The following RRAS variants were observed in gnomAD, a reference collection of about 807,000 sequenced individuals.
RRAS encodes ras-related protein R-Ras.
A neutral mutation model predicts 23.3 loss-of-function variants in RRAS; 18 were observed. The ratio of observed to expected loss-of-function variants is 0.77; its 90% confidence interval spans 0.53 to 1.15. The LOEUF (loss-of-function observed/expected upper bound fraction) is 1.15, where lower values mean the gene tolerates loss of function less well. RRAS is among the 50% of genes most tolerant of loss of function. The pLI, the probability that RRAS is intolerant of heterozygous loss-of-function variation, is 0.00. For synonymous variants in RRAS, 133 were observed against 138.3 expected (o/e 0.96, Z 0.27); for missense variants, 291 against 317.1 (o/e 0.92, Z 0.62).
In RRAS at chr19:49,637,083, C is replaced by T. The variant is rs1421164782; in HGVS notation, c.201G>A (p.Thr67=). 4 of 1,613,520 alleles carry T rather than the reference C, an allele frequency of 2.5e-6. No homozygotes were observed. Among genetic ancestry groups the T allele is most frequent in the African/African-American group, 1.3e-5 (1 of 74,880 alleles). Residue 67 remains threonine, a synonymous_variant, in exon 2 of 6, where the codon ACG becomes ACA. Transcript: ENST00000246792. ...DYDPTIEDSY[T]KICSVDGIPA... is the part of the protein sequence containing the mutation. ...GGATGCCATCCACACTGCAGATCTT[C>T]GTGTAGGAGTCCTCAATAGTGGGGT...
At position 49,635,572 on chromosome 19, in the gene RRAS, T is replaced by C. The variant is rs199675852; in HGVS notation, c.*4A>G. On this transcript the variant is annotated 3_prime_UTR_variant, in exon 6 of 6. Coordinates refer to ENST00000246792, the MANE Select transcript of RRAS (RefSeq NM_006270.5). Reference sequence around the variant, plus strand: ...TTGTGGTGGTTGCTTCTCTCTTGCCTGGGCTACAGGAGGACGCAGGGGCAG... The same window carrying C: ...TTGTGGTGGTTGCTTCTCTCTTGCCCGGGCTACAGGAGGACGCAGGGGCAG... The C allele has an allele frequency of 4.0e-4, 565 of 1,423,338 alleles. 2 individuals carry two copies. The East Asian group carries it at 0.013, about 33-fold the overall frequency. The allele number at this position is 1,423,338 out of a possible 1,614,324, so 88.2% of individuals were successfully genotyped here.
intron 1 of RRAS, among the ~76,000 whole-genome samples, chr19:49,638,078 T>TTCCTCCTCCCCCGTC (rs900438412): frequency 3.9e-5 from 6 of 152,128 alleles, no homozygotes; most frequent in South Asian, 4.2e-4. Flanking sequence ...CCTCCCTCTC[T>TTCCTCCTCCCCCGTC]TCCTCCTCCC....
intron 1 of RRAS, among the ~76,000 whole-genome samples, chr19:49,637,707 A>ACT (rs1223069803): frequency 7.1e-6 from 1 of 141,368 alleles, no homozygotes; most frequent in South Asian, 2.3e-4. Context: ...AGTCTCTATT[A>ACT]CTCTCTCTCT....
At chr19:49,637,297 G>C (rs1599814302) in intron 1 of RRAS, among the ~76,000 whole-genome samples, 167 bp from the exon 2 acceptor site, 1 of 104,998 alleles carries the variant, frequency 9.5e-6, no homozygotes, top group Admixed American at 1.2e-4. Context: ...CTGTCTCTCT[G>C]AGTCTTTTTT....
In RRAS at chr19:49,636,865, G is replaced by T. The variant is rs1279248952; in HGVS notation, c.303C>A (p.Gly101=). The stretch of plus-strand genomic sequence containing the variant: ...TGGCGAACACCAGCAGGAAGCCGTG[G>T]CCAGCACGCATGTACTGCTCTCTCA... ...GAMREQYMRA[G]HGFLLVFAIN... Residue 101 remains glycine, a synonymous_variant, in exon 3 of 6, where the codon GGC becomes GGA. Transcript: ENST00000246792. The surrounding 1 kb of genome is among the most constrained non-coding windows in gnomAD (Gnocchi z 4.5). 6.2e-7 allele frequency: 1 copy of T among 1,613,376 alleles called. No homozygotes were observed. The highest frequency in any genetic ancestry group is 1.7e-5 in the Admixed American group (1 of 60,026).
chr19:49,640,086 C>T lies in RRAS; in HGVS notation c.13G>A (p.Ala5Thr). MSSG[A>T]ASGTGRGRPR... ...CGCCCCCGCCCTGTCCCGGACGCCG[C>T]CCCGCTGCTCATGTCGCCACCGCTG... Residue 5 changes from alanine (A) to threonine (T), a missense_variant, in exon 1 of 6, where the codon GCG (alanine) becomes ACG (threonine). Ala to Thr is a moderately conservative substitution (Grantham distance 58). Transcript: ENST00000246792. 7.2e-7 allele frequency: 1 copy of T among 1,397,612 alleles called. No individual in the cohort carries two copies. The highest frequency in any genetic ancestry group is 9.2e-7 in the Non-Finnish European group (1 of 1,088,716). 86.6% of individuals were successfully genotyped at this position (1,397,612 alleles called of 1,614,324 possible). A position where few individuals can be genotyped will look rare whatever the true frequency, so the allele number is the denominator to read the frequency against.
intron 1 of RRAS, 69 bp from the exon 2 acceptor site, chr19:49,637,199 T>C: frequency 8.5e-7 from 1 of 1,169,690 alleles, no homozygotes; most frequent in East Asian, 2.5e-5. Context: ...GCCCTTGGGA[T>C]GCCTCTCTCA....
chr19:49,636,852 G>T lies in RRAS; in HGVS notation c.316C>A (p.Leu106Met). ...QYMRAGHGFL[L>M]VFAINDRQSF... ...TGCCGGTCGTTAATGGCGAACACCA[G>T]CAGGAAGCCGTGGCCAGCACGCATG... The change falls in exon 3 of 6, where the codon CTG (leucine) becomes ATG (methionine). Residue 106 changes from leucine to methionine, a missense_variant. Physicochemically the swap from Leu to Met is conservative, Grantham distance 15. Coordinates refer to ENST00000246792, the MANE Select transcript of RRAS (RefSeq NM_006270.5). This position sits in a 1 kb window ranked among gnomAD's most constrained non-coding sequence, Gnocchi z 4.5. 1 of 1,613,290 alleles carries T rather than the reference G, an allele frequency of 6.2e-7. No individual in the cohort carries two copies. The highest frequency in any genetic ancestry group is 8.5e-7 in the Non-Finnish European group (1 of 1,179,984).
intron 1 of RRAS, among the ~76,000 whole-genome samples, chr19:49,637,367 C>T (rs1033528087): frequency 3.1e-5 from 4 of 129,638 alleles, no homozygotes; most frequent in African/African-American, 1.2e-4. Flanking sequence ...AGTGCAATGG[C>T]GAGATCTCGG....
rs991398387 is a variant in RRAS, at chr19:49,638,986, A to G, written c.153+960T>C. Among the ~76,000 whole-genome samples the G allele has an allele frequency of 2.6e-5, 4 of 151,488 alleles. No homozygotes were observed. In the East Asian group the frequency reaches 7.8e-4, roughly 29 times the overall value. On this transcript the variant is annotated intron_variant, in intron 1 of 5. Transcript: ENST00000246792. ...ATTGTCAGGACTTGGGGTCTTGGAG[A>G]TTTCTGGAATGGCCAAGGGGCAGGA... is the stretch of plus-strand genomic sequence containing the variant.
chr19:49,637,845 G>A (rs974329398), intron 1 of RRAS, among the ~76,000 whole-genome samples: 1 of 137,186 alleles, frequency 7.3e-6, no homozygotes, highest in African/African-American at 2.8e-5. Flanking sequence ...TAAGGTACAT[G>A]TCCCACATCG....
intron 1 of RRAS, among the ~76,000 whole-genome samples, chr19:49,637,601 G>A (rs932394581): frequency 6.6e-6 from 1 of 150,824 alleles, no homozygotes; most frequent in Admixed American, 6.6e-5. Flanking sequence ...GAGCCACTGC[G>A]CCCTGCCCTG....
In RRAS at chr19:49,636,654, C is replaced by CCAACA; in HGVS notation, c.413_417dup (p.Val140CysfsTer96). 1 of 1,614,128 alleles carries CCAACA rather than the reference C, an allele frequency of 6.2e-7. No homozygotes were observed. Among genetic ancestry groups the CCAACA allele is most frequent in the Non-Finnish European group, 8.5e-7 (1 of 1,179,976 alleles). On this transcript the variant is annotated frameshift_variant, in exon 4 of 6. Transcript: ENST00000246792. LOFTEE classifies it high-confidence loss of function. This position sits in a 1 kb window ranked among gnomAD's most constrained non-coding sequence, Gnocchi z 4.5. ...GACTCCAGATCTGCCTTGTTCCCGACCAACACAACGGGGAAGTCGTCGCGG... is the reference window on the plus strand; with the variant it reads ...GACTCCAGATCTGCCTTGTTCCCGACCAACACAACACAACGGGGAAGTCGTCGCGG...
At chr19:49,639,032 C>G (rs1167503941) in intron 1 of RRAS, among the ~76,000 whole-genome samples, 1 of 151,718 alleles carries the variant, frequency 6.6e-6, no homozygotes, top group East Asian at 1.9e-4. Context: ...AATCTCGGGT[C>G]GGAGAGCAGG....
At chr19:49,638,864 A>G (rs2081008805) in intron 1 of RRAS, among the ~76,000 whole-genome samples, 1 of 134,580 alleles carries the variant, frequency 7.4e-6, no homozygotes, top group Non-Finnish European at 1.5e-5. Flanking sequence ...AGAGGGGCTC[A>G]GGGAGTTGCA....
At position 49,636,617 on chromosome 19, in the gene RRAS, A is replaced by G. The variant is rs759782098; in HGVS notation, c.453+2T>C. On this transcript the variant is annotated splice_donor_variant, in intron 4 of 5. Coordinates refer to ENST00000246792, the MANE Select transcript of RRAS (RefSeq NM_006270.5). LOFTEE classifies it high-confidence loss of function. The surrounding 1 kb of genome is among the most constrained non-coding windows in gnomAD (Gnocchi z 4.5). Reference sequence around the variant, plus strand: ...GTCCCCAGAAAGAGGGGTGTCCCGAACCTGGCGCTGTGACTCCAGATCTGC... The same window carrying G: ...GTCCCCAGAAAGAGGGGTGTCCCGAGCCTGGCGCTGTGACTCCAGATCTGC... 2 of 1,611,666 alleles carry G rather than the reference A, an allele frequency of 1.2e-6. No individual in the cohort carries two copies. Among genetic ancestry groups the G allele is most frequent in the Non-Finnish European group, 8.5e-7 (1 of 1,177,766 alleles).
intron 1 of RRAS, among the ~76,000 whole-genome samples, chr19:49,639,609 G>T (rs1405391168): frequency 6.6e-6 from 1 of 151,866 alleles, no homozygotes. Flanking sequence ...GCGTGGTGGG[G>T]GTCCTGGGAG....
chr19:49,637,103 T>C lies in RRAS; in HGVS notation c.181A>G (p.Thr61Ala). 1 of 1,613,220 alleles carries C rather than the reference T, an allele frequency of 6.2e-7. No individual in the cohort carries two copies. The highest frequency in any genetic ancestry group is 8.5e-7 in the Non-Finnish European group (1 of 1,179,880). The change falls in exon 2 of 6, where the codon ACT (threonine) becomes GCT (alanine). Residue 61 changes from threonine (T) to alanine (A), a missense_variant. Transcript: ENST00000246792. ...QSYFVSDYDPTIEDSYTKICS... is the reference protein window; with the variant it reads ...QSYFVSDYDPAIEDSYTKICS... The stretch of plus-strand genomic sequence containing the variant: ...ATCTTCGTGTAGGAGTCCTCAATAG[T>C]GGGGTCGTAGTCAGACACGAAGTAG...
In RRAS at chr19:49,636,769, A is replaced by G; in HGVS notation, c.345-42T>C. 6.2e-7 allele frequency: 1 copy of G among 1,608,870 alleles called. No homozygotes were observed. The highest frequency in any genetic ancestry group is 1.7e-5 in the Admixed American group (1 of 60,010). On this transcript the variant is annotated intron_variant, in intron 3 of 5. Coordinates refer to ENST00000246792, the MANE Select transcript of RRAS (RefSeq NM_006270.5). The surrounding 1 kb of genome is among the most constrained non-coding windows in gnomAD (Gnocchi z 4.5). ...AGGCATGAGGTCCAGCCAGCTGCAG[A>G]GCCCAGGTCCTCCCCACACCCACCC...
Sources: gnomAD v4.1 joint callset for allele counts (sites outside exome capture counted in the v4.1 genomes callset) on GRCh38, gnomAD v4.1.1 for gene constraint, Gnocchi (gnomAD v3.1) non-coding constraint, MANE v1.5 for transcripts, NCBI Gene and HGNC (gene_info 2026-07-23, HGNC 2026-07-21) for gene names.